The following MYH11 variants were observed in gnomAD, a reference collection of about 807,000 sequenced individuals.
The protein encoded by MYH11 is myosin heavy chain 11.
Under a neutral mutation model 246.6 loss-of-function variants are expected in MYH11, and 80 were observed. The observed-to-expected ratio is 0.32, with a 90% CI of 0.27 to 0.39. The LOEUF (loss-of-function observed/expected upper bound fraction) is 0.39, where lower values mean the gene tolerates loss of function less well. Among genes scored for constraint, MYH11 ranks in the 10% least tolerant of loss-of-function variants. MYH11 has a pLI of 1.00. For synonymous variants in MYH11, 1,071 were observed against 1,015.5 expected, an observed-to-expected ratio of 1.05 and a Z score of -1.04; for missense variants, 2,158 against 2,546.8, an observed-to-expected ratio of 0.85 and a Z score of 3.29.
At chr16:15,718,196 C>T in intron 37 of MYH11, 119 bp downstream of exon 37, 2 of 1,532,492 alleles carry the variant, frequency 1.3e-6, no homozygotes, top group Non-Finnish European at 1.8e-6. Context: ...CCACCACCCT[C>T]TTGTCCCTCA....
intron 4 of MYH11, among the ~76,000 whole-genome samples, chr16:15,797,930 C>T (rs1055826524): frequency 2.0e-5 from 3 of 151,960 alleles, no homozygotes; most frequent in African/African-American, 7.3e-5. Flanking sequence ...GTGCTCCCTT[C>T]GGCAGCACAC....
At chr16:15,784,203 T>TG (rs1466123604) in intron 5 of MYH11, among the ~76,000 whole-genome samples, 1 of 151,600 alleles carries the variant, frequency 6.6e-6, no homozygotes, top group Non-Finnish European at 1.5e-5. Context: ...AGGGACACAC[T>TG]GGTGCACCAG....
rs773533472 is a variant in MYH11, at chr16:15,726,899, G to T, written c.3807C>A (p.Ser1269Arg). ...AQVQELQSKC[S>R]DGERARAELN... is the part of the protein sequence containing the mutation. Reference sequence around the variant, plus strand: ...GCTCCGCCCGGGCCCGCTCCCCATCGCTGCACTTGGACTGCAGCTCCTGCA... The same window carrying T: ...GCTCCGCCCGGGCCCGCTCCCCATCTCTGCACTTGGACTGCAGCTCCTGCA... The change falls in exon 28 of 41, where the codon AGC (serine) becomes AGA (arginine). Residue 1269 changes from serine (S) to arginine (R), a missense_variant. By Grantham distance (110) the Ser-to-Arg change is moderately radical. Around this residue, in one of 11 missense-constraint regions of MYH11, gnomAD observed 1,013 missense variants for 993.5 expected, o/e 1.02. Coordinates refer to ENST00000300036, the MANE Select transcript of MYH11 (RefSeq NM_002474.3). 5.6e-6 allele frequency: 9 copies of T among 1,612,414 alleles called. No individual in the cohort carries two copies. The highest frequency in any genetic ancestry group is 6.8e-6 in the Non-Finnish European group (8 of 1,179,982).
intron 3 of MYH11, among the ~76,000 whole-genome samples, chr16:15,813,057 C>T (rs1462658911): frequency 2.6e-5 from 4 of 152,154 alleles, no homozygotes; most frequent in African/African-American, 4.8e-5. Flanking sequence ...ATCCCAGCTA[C>T]TCAGGAGGCT....
At chr16:15,800,345 C>G (rs145663547) in intron 3 of MYH11, among the ~76,000 whole-genome samples, 1 of 144,028 alleles carries the variant, frequency 6.9e-6, no homozygotes, top group African/African-American at 2.6e-5. Flanking sequence ...GGTAGAGAGA[C>G]AGGAAGACAA....
At chr16:15,846,574 T>G (rs751405668) in intron 1 of MYH11, among the ~76,000 whole-genome samples, 22 of 152,118 alleles carry the variant, frequency 1.4e-4, no homozygotes, top group Admixed American at 9.8e-4. Flanking sequence ...TTGGGCCAGG[T>G]GACATGGCTC....
At chr16:15,782,871 T>A (rs2042388341) in intron 5 of MYH11, 1 of 186,812 alleles carries the variant, frequency 5.4e-6, no homozygotes, top group Admixed American at 5.4e-5. Context: ...CTGCTGTTCA[T>A]GTTTAACAAG....
rs149241435 is a variant in MYH11, at chr16:15,726,940, T to G, written c.3766A>C (p.Lys1256Gln). 314 of 1,613,154 alleles carry G rather than the reference T, an allele frequency of 1.9e-4. 1 individual carries two copies. The highest frequency in any genetic ancestry group is 5.5e-4 in the South Asian group (50 of 91,048). The stretch of plus-strand genomic sequence containing the variant: ...AGCTCCTGCACCTGCGCCTCCAGCT[T>G]CTTCTTCTTATGTTCCACCTCCTGC... Reference protein sequence around the residue: ...AKQEVEHKKKKLEAQVQELQS... With the variant: ...AKQEVEHKKKQLEAQVQELQS... Residue 1256 changes from lysine (K) to glutamine (Q), a missense_variant, in exon 28 of 41, where the codon AAG becomes CAG. Physicochemically the swap from Lys to Gln is moderately conservative, Grantham distance 53. Coordinates refer to ENST00000300036, the MANE Select transcript of MYH11 (RefSeq NM_002474.3).
chr16:15,765,782 T>C (rs1455316369), intron 9 of MYH11, among the ~76,000 whole-genome samples: 2 of 152,220 alleles, frequency 1.3e-5, no homozygotes, highest in African/African-American at 4.8e-5. Flanking sequence ...TGAATGAAGC[T>C]GCTGTTGACA....
At chr16:15,737,391 A>T (rs1206449557) in intron 25 of MYH11, 58 bp downstream of exon 25, 2 of 1,598,768 alleles carry the variant, frequency 1.3e-6, no homozygotes, top group African/African-American at 2.7e-5. Flanking sequence ...TGAGCGAATG[A>T]GCAGGGGCCC....
chr16:15,750,335 T>C lies in MYH11; in HGVS notation c.1865-4A>G. 6.3e-7 allele frequency: 1 copy of C among 1,593,112 alleles called. No individual in the cohort carries two copies. The highest frequency in any genetic ancestry group is 8.5e-7 in the Non-Finnish European group (1 of 1,171,358). On this transcript the variant is annotated splice_region_variant and splice_polypyrimidine_tract_variant and intron_variant, in intron 15 of 40. Coordinates refer to ENST00000300036, the MANE Select transcript of MYH11 (RefSeq NM_002474.3). The surrounding 1 kb of genome is among the most constrained non-coding windows in gnomAD (Gnocchi z 4.3). ...TCCAGGCCCACGATGCGGTCCACTA[T>C]GGGGCACAGCCAGGGTGGCATCAGC... is the stretch of plus-strand genomic sequence containing the variant.
intron 1 of MYH11, among the ~76,000 whole-genome samples, chr16:15,839,601 A>G (rs2043998849): frequency 1.3e-5 from 2 of 151,648 alleles, no homozygotes; most frequent in South Asian, 4.2e-4. Flanking sequence ...GGCTGAGGCA[A>G]GAGGATTGCT....
chr16:15,726,071 A>G (rs777496064), intron 28 of MYH11: 5 of 190,908 alleles, frequency 2.6e-5, no homozygotes, highest in Non-Finnish European at 4.3e-5. Flanking sequence ...TGCCTGGTAG[A>G]CTTATCCATG....
intron 29 of MYH11, 30 bp from the exon 30 acceptor site, chr16:15,724,829 G>A: frequency 6.2e-7 from 1 of 1,613,630 alleles, no homozygotes; most frequent in Non-Finnish European, 8.5e-7. Context: ...AGGTCCCAGG[G>A]ACCTGCCCCG....
rs532465846 is a variant in MYH11, at chr16:15,736,811, A to G, written c.3293+638T>C. Among the ~76,000 whole-genome samples the G allele has an allele frequency of 1.1e-4, 16 of 152,322 alleles. No homozygotes were observed. In the East Asian group the frequency reaches 2.5e-3, roughly 24 times the overall value. Reference sequence around the variant, plus strand: ...AAAGACACCGGCAGTACACCTGGCCAGGTGTCTGCAAAGGTATTGCTTGAA... The same window carrying G: ...AAAGACACCGGCAGTACACCTGGCCGGGTGTCTGCAAAGGTATTGCTTGAA... On this transcript the variant is annotated intron_variant, in intron 25 of 40. Coordinates refer to ENST00000300036, the MANE Select transcript of MYH11 (RefSeq NM_002474.3).
chr16:15,798,572 A>G (rs924871690), intron 4 of MYH11, 88 bp downstream of exon 4: 1 of 1,343,124 alleles, frequency 7.4e-7, no homozygotes, highest in Non-Finnish European at 1.0e-6. Context: ...GCACTCATGG[A>G]TCTTTTCTTT....
Position 15,838,571 on chromosome 16 carries a change from G to C in MYH11, c.-17-302C>G, listed in dbSNP as rs1651922323. ...ATACTACCCAGTGCTCAGGAGGCAGGAAGTAGGGCTGGACAAGGTGGCTCA... is the reference window on the plus strand; with the variant it reads ...ATACTACCCAGTGCTCAGGAGGCAGCAAGTAGGGCTGGACAAGGTGGCTCA... On this transcript the variant is annotated intron_variant, in intron 1 of 40. Coordinates refer to ENST00000300036, the MANE Select transcript of MYH11 (RefSeq NM_002474.3). Among the ~76,000 whole-genome samples the C allele has an allele frequency of 3.3e-5, 5 of 151,856 alleles. No homozygotes were observed. The South Asian group carries it at 1.0e-3, about 32-fold the overall frequency.
At position 15,747,583 on chromosome 16, in the gene MYH11, A is replaced by G. The variant is rs1567723860; in HGVS notation, c.2398T>C (p.Tyr800His). The change falls in exon 19 of 41, where the codon TAC becomes CAC. Residue 800 changes from tyrosine to histidine, a missense_variant. Coordinates refer to ENST00000300036, the MANE Select transcript of MYH11 (RefSeq NM_002474.3). ...AAGCATCTTTACTTTCTGGCCAAGTAGCCACGACACATCGCCTGGAAGGCC... is the reference window on the plus strand; with the variant it reads ...AAGCATCTTTACTTTCTGGCCAAGTGGCCACGACACATCGCCTGGAAGGCC... ...IMAFQAMCRG[Y>H]LARKAFAKRQ... 2 of 1,614,178 alleles carry G rather than the reference A, an allele frequency of 1.2e-6. No homozygotes were observed. Among genetic ancestry groups the G allele is most frequent in the Non-Finnish European group, 1.7e-6 (2 of 1,180,034 alleles).
intron 16 of MYH11, 166 bp downstream of exon 16, chr16:15,749,972 C>T (rs2041520260): frequency 2.3e-6 from 2 of 860,614 alleles, no homozygotes; most frequent in East Asian, 2.6e-5. Flanking sequence ...TCCCTTCCTC[C>T]TTTTCCTCCA....
Sources: gnomAD v4.1 joint callset for allele counts (sites outside exome capture counted in the v4.1 genomes callset) on GRCh38, gnomAD v4.1.1 for gene constraint, gnomAD v4.1.1 regional missense constraint, Gnocchi (gnomAD v3.1) non-coding constraint, MANE v1.5 for transcripts, NCBI Gene and HGNC (gene_info 2026-07-23, HGNC 2026-07-21) for gene names.